The following CDK13 variants were observed in gnomAD, a reference collection of about 807,000 sequenced individuals.
CDK13 encodes the protein cyclin dependent kinase 13, also known as cyclin-dependent kinase 13.
Under a neutral mutation model 137.6 loss-of-function variants are expected in CDK13, and 40 were observed. That is an observed-to-expected ratio of 0.29 (90% confidence interval 0.23 to 0.38). The LOEUF is 0.38. CDK13 is among the 10% of genes least tolerant of loss of function. The pLI is 1.00. For missense variants in CDK13, 1,704 were observed against 1,951.8 expected, an observed-to-expected ratio of 0.87 and a Z score of 2.39; for synonymous variants, 869 against 760.1, an observed-to-expected ratio of 1.14 and a Z score of -2.36.
chr7:40,031,745 A>G (rs1005327122), intron 5 of CDK13, among the ~76,000 whole-genome samples: 7 of 151,630 alleles, frequency 4.6e-5, no homozygotes, highest in Non-Finnish European at 1.0e-4. Flanking sequence ...TCCCAGTCTC[A>G]AGTGATCCTC....
chr7:40,042,477 C>CTTTTTTTTTTTTTTTTT (rs5883713), intron 5 of CDK13, among the ~76,000 whole-genome samples: 2 of 76,146 alleles, frequency 2.6e-5, no homozygotes, highest in Non-Finnish European at 4.7e-5. Context: ...TCTTTTCTTT[C>CTTTTTTTTTTTTTTTTT]TTTTTTTTTT....
At chr7:40,051,667 G>C (rs1285443273) in intron 7 of CDK13, among the ~76,000 whole-genome samples, 1 of 152,166 alleles carries the variant, frequency 6.6e-6, no homozygotes, top group Non-Finnish European at 1.5e-5. Flanking sequence ...AACTGTAATA[G>C]CATCAACCAC....
chr7:40,051,536 A>C (rs1485045910), intron 7 of CDK13, among the ~76,000 whole-genome samples: 3 of 152,246 alleles, frequency 2.0e-5, no homozygotes, highest in Non-Finnish European at 4.4e-5. Context: ...TACTCATGCA[A>C]GTATAAAGTC....
In CDK13 at chr7:39,982,465, G is replaced by A. The variant is rs530430656; in HGVS notation, c.1212-5134G>A. Among the ~76,000 whole-genome samples the A allele has an allele frequency of 2.8e-4, 43 of 152,032 alleles. 2 individuals are homozygous for A. In the East Asian group the frequency reaches 7.4e-3, roughly 26 times the overall value. Reference sequence around the variant, plus strand: ...AGTCTTTGCTATTGTGAATAGTGCCGCAGTAAACATACATGTGCATGTGTC... The same window carrying A: ...AGTCTTTGCTATTGTGAATAGTGCCACAGTAAACATACATGTGCATGTGTC... On this transcript the variant is annotated intron_variant, in intron 1 of 13. Coordinates refer to ENST00000181839, the MANE Select transcript of CDK13 (RefSeq NM_003718.5).
intron 13 of CDK13, 35 bp downstream of exon 13, chr7:40,093,272 G>T: frequency 6.7e-7 from 1 of 1,489,222 alleles, no homozygotes; most frequent in East Asian, 2.3e-5. Context: ...TAACACAGCT[G>T]CATTACATTG....
At position 40,098,307 on chromosome 7, in the gene CDK13, T is replaced by G. The variant is rs1309179226; in HGVS notation, c.*3327T>G. Reference sequence around the variant, plus strand: ...AAAATCTGGTACTTCTGAGTTAAGGTTTTGCTCTTTGAGCTTAATCCAATT... The same window carrying G: ...AAAATCTGGTACTTCTGAGTTAAGGGTTTGCTCTTTGAGCTTAATCCAATT... On this transcript the variant is annotated 3_prime_UTR_variant, in exon 14 of 14. Coordinates refer to ENST00000181839, the MANE Select transcript of CDK13 (RefSeq NM_003718.5). The G allele has an allele frequency of 6.6e-6, 1 of 152,102 alleles. No homozygotes were observed. The highest frequency in any genetic ancestry group is 1.5e-5 in the Non-Finnish European group (1 of 67,984). 9.4% of individuals were successfully genotyped at this position (152,102 alleles called of 1,614,324 possible). A position where few individuals can be genotyped will look rare whatever the true frequency, so the allele number is the denominator to read the frequency against.
At chr7:40,075,109 C>T (rs2150534398) in intron 9 of CDK13, among the ~76,000 whole-genome samples, 1 of 151,986 alleles carries the variant, frequency 6.6e-6, no homozygotes, top group Non-Finnish European at 1.5e-5. Context: ...GGAGATTTGT[C>T]CTATCAGACT....
chr7:40,062,605 A>T, intron 7 of CDK13: 1 of 475,090 alleles, frequency 2.1e-6, no homozygotes, highest in Non-Finnish European at 3.8e-6. Context: ...TTTTGTTTTT[A>T]TCTTCATATA....
At chr7:40,010,508 A>G (rs902098963) in intron 5 of CDK13, among the ~76,000 whole-genome samples, 8 of 151,906 alleles carry the variant, frequency 5.3e-5, no homozygotes, top group Admixed American at 5.3e-4. Context: ...ACATGGGGAA[A>G]CCCCGTCTCT....
intron 9 of CDK13, 23 bp downstream of exon 9, chr7:40,063,123 G>C (rs1428966223): frequency 6.5e-7 from 1 of 1,541,312 alleles, no homozygotes; most frequent in Admixed American, 1.7e-5. Flanking sequence ...TTATAATATT[G>C]GTGGGAATTG....
At chr7:40,078,609 AATGATC>A in intron 10 of CDK13, 105 bp from the exon 11 acceptor site, 1 of 506,230 alleles carries the variant, frequency 2.0e-6, no homozygotes, top group Non-Finnish European at 3.0e-6. Context: ...ATTATTTTTA[AATGATC>A]TTAGTTTTAG....
chr7:39,991,988 G>T (rs369657767), intron 2 of CDK13, among the ~76,000 whole-genome samples: 1 of 151,928 alleles, frequency 6.6e-6, no homozygotes, highest in African/African-American at 2.4e-5. Flanking sequence ...AGAGGTCGAG[G>T]ATGCAGTGAG....
rs1787099119 is a variant in CDK13, at chr7:39,950,305, CCACCCCCGG to C, written c.-336_-328del. ...CGAGAGCGCGGCCAAGGCCGCTCCC[CCACCCCCGG>C]GGGCACTTGGAGGACTCGGGACTCC... On this transcript the variant is annotated 5_prime_UTR_variant, in exon 1 of 14. Coordinates refer to ENST00000181839, the MANE Select transcript of CDK13 (RefSeq NM_003718.5). The C allele has an allele frequency of 9.1e-7, 1 of 1,102,466 alleles. No homozygotes were observed. 68.3% of individuals were successfully genotyped at this position (1,102,466 alleles called of 1,614,324 possible). A position where few individuals can be genotyped will look rare whatever the true frequency, so the allele number is the denominator to read the frequency against.
intron 5 of CDK13, among the ~76,000 whole-genome samples, chr7:40,041,621 A>G (rs747174420): frequency 1.3e-5 from 2 of 152,256 alleles, no homozygotes; most frequent in Non-Finnish European, 1.5e-5. Flanking sequence ...GGACCATGCA[A>G]CTCTTAATGC....
chr7:40,024,645 G>GTTTTTTTTTT (rs58010602), intron 5 of CDK13, among the ~76,000 whole-genome samples: 2 of 50,282 alleles, frequency 4.0e-5, no homozygotes, highest in African/African-American at 8.4e-5. Flanking sequence ...GTAGCTCTGT[G>GTTTTTTTTTT]TTTTTTTTTT....
At chr7:39,975,329 T>C (rs1026710851) in intron 1 of CDK13, among the ~76,000 whole-genome samples, 7 of 152,044 alleles carry the variant, frequency 4.6e-5, no homozygotes, top group Non-Finnish European at 1.0e-4. Context: ...GAGAATCGCT[T>C]TGAGCCTGGG....
chr7:39,959,656 C>T (rs866211001), intron 1 of CDK13, among the ~76,000 whole-genome samples: 1 of 151,860 alleles, frequency 6.6e-6, no homozygotes, highest in African/African-American at 2.4e-5. Context: ...GTAGAGACAG[C>T]GTTTCACCGT....
intron 5 of CDK13, among the ~76,000 whole-genome samples, chr7:40,009,941 G>C (rs909015735): frequency 3.3e-5 from 5 of 152,132 alleles, no homozygotes; most frequent in African/African-American, 4.8e-5. Flanking sequence ...GTTTGTGTGT[G>C]TGTATATTTA....
At chr7:40,024,630 T>TA (rs928355779) in intron 5 of CDK13, among the ~76,000 whole-genome samples, 4 of 144,688 alleles carry the variant, frequency 2.8e-5, no homozygotes, top group African/African-American at 1.0e-4. Context: ...TCTTCCAAGA[T>TA]ATCTGTAGCT....
Sources: gnomAD v4.1 joint callset for allele counts (sites outside exome capture counted in the v4.1 genomes callset) on GRCh38, gnomAD v4.1.1 for gene constraint, MANE v1.5 for transcripts, NCBI Gene and HGNC (gene_info 2026-07-23, HGNC 2026-07-21) for gene names.